Variants in NHERF2 observed in about 807,000 individuals in gnomAD.
NHERF2 encodes the protein NHERF family PDZ scaffold protein 2, also known as Na(+)/H(+) exchange regulatory cofactor NHE-RF2.
chr16:2,037,693 C>T, the NHERF2 span: 3 of 1,560,534 alleles, frequency 1.9e-6, no homozygotes, highest in South Asian at 3.5e-5. Flanking sequence ...GCAGTGGGGT[C>T]TCTGTTCAGG....
At chr16:2,038,639 C>G in the NHERF2 span, 1 of 279,416 alleles carries the variant, frequency 3.6e-6, no homozygotes, top group Non-Finnish European at 6.8e-6. Flanking sequence ...CCCTGCCCAC[C>G]TGCCCTGGTG....
the NHERF2 span, among the ~76,000 whole-genome samples, chr16:2,033,904 G>A: frequency 6.6e-6 from 1 of 152,238 alleles, no homozygotes; most frequent in East Asian, 1.9e-4. Flanking sequence ...TGCTGTGCCT[G>A]GCGCCACTGG....
chr16:2,037,375 G>A, the NHERF2 span, among the ~76,000 whole-genome samples: 3 of 152,274 alleles, frequency 2.0e-5, no homozygotes, highest in African/African-American at 7.2e-5. Flanking sequence ...TCACTGCCAG[G>A]CGCCCGGTGC....
chr16:2,031,039 G>A, the NHERF2 span, among the ~76,000 whole-genome samples: 1 of 152,358 alleles, frequency 6.6e-6, no homozygotes, highest in Admixed American at 6.5e-5. Context: ...GGGCAGGGGT[G>A]TGGGATCTGG....
At chr16:2,037,576 G>T in the NHERF2 span, 1 of 1,612,898 alleles carries the variant, frequency 6.2e-7, no homozygotes, top group African/African-American at 1.3e-5. Flanking sequence ...GAAGTGACCT[G>T]CCTGGTTCCG....
At chr16:2,038,797 C>A in the NHERF2 span, 4 of 163,616 alleles carry the variant, frequency 2.4e-5, no homozygotes, top group South Asian at 6.1e-4. Context: ...TCATTCCGCG[C>A]GGCAGCTCCC....
At chr16:2,038,919 C>G in the NHERF2 span, 1 of 153,194 alleles carries the variant, frequency 6.5e-6, no homozygotes, top group Non-Finnish European at 1.5e-5. Flanking sequence ...TTTGCACTTC[C>G]CTCCCGGGCC....
At chr16:2,038,325 TGAAAG>T in the NHERF2 span, 1 of 501,804 alleles carries the variant, frequency 2.0e-6, no homozygotes, top group Non-Finnish European at 3.8e-6. Flanking sequence ...GCCTGCTGAC[TGAAAG>T]GAATTTGTGT....
chr16:2,030,605 T>C, the NHERF2 span, among the ~76,000 whole-genome samples: 1 of 150,512 alleles, frequency 6.6e-6, no homozygotes, highest in South Asian at 2.1e-4. Context: ...ATTATCTCCA[T>C]GTTCTCTCCT....
chr16:2,036,756 G>A, the NHERF2 span: 68 of 1,613,100 alleles, frequency 4.2e-5, no homozygotes, highest in East Asian at 1.1e-4. Flanking sequence ...GAGGGACTGC[G>A]CCATGCTGAG....
the NHERF2 span, chr16:2,033,045 G>A: frequency 1.4e-3 from 1,738 of 1,272,690 alleles, 12 homozygotes; most frequent in African/African-American, 0.024. Flanking sequence ...TTCTGGGGCC[G>A]GGACTCCTCC....
the NHERF2 span, chr16:2,036,220 G>A: frequency 6.6e-6 from 8 of 1,213,232 alleles, no homozygotes; most frequent in African/African-American, 4.6e-5. Context: ...GCCTGCCCGT[G>A]GGGGGCACGG....
At chr16:2,035,160 G>A in the NHERF2 span, among the ~76,000 whole-genome samples, 1 of 152,130 alleles carries the variant, frequency 6.6e-6, no homozygotes, top group Non-Finnish European at 1.5e-5. Flanking sequence ...ACAGGAGAAG[G>A]GTGTTCCAGA....
At chr16:2,033,128 G>A in the NHERF2 span, 16 of 1,403,106 alleles carry the variant, frequency 1.1e-5, no homozygotes, top group African/African-American at 2.9e-5. Flanking sequence ...TTCTTGGGAC[G>A]GAAGCCTAGC....
the NHERF2 span, among the ~76,000 whole-genome samples, chr16:2,030,500 A>G: frequency 6.6e-6 from 1 of 151,682 alleles, no homozygotes; most frequent in Non-Finnish European, 1.5e-5. Context: ...ACCTCCTGCT[A>G]GGTGGCCGAC....
the NHERF2 span, among the ~76,000 whole-genome samples, chr16:2,032,249 G>A: frequency 2.6e-5 from 4 of 151,902 alleles, no homozygotes; most frequent in Non-Finnish European, 4.4e-5. This position sits in a 1 kb window ranked among gnomAD's most constrained non-coding sequence, Gnocchi z 4.0. Context: ...CAAACTCTTG[G>A]GCTCAAGTGA....
At chr16:2,027,272 C>T in the NHERF2 span, 2 of 1,139,952 alleles carry the variant, frequency 1.8e-6, no homozygotes, top group East Asian at 3.3e-5. Context: ...GCGCGTCCCC[C>T]TGGGGCGAGC....
At chr16:2,032,907 G>T in the NHERF2 span, 7 of 1,046,038 alleles carry the variant, frequency 6.7e-6, no homozygotes, top group South Asian at 1.2e-4. The surrounding 1 kb of genome is among the most constrained non-coding windows in gnomAD (Gnocchi z 4.0). Flanking sequence ...GGCCTTGGGG[G>T]CTAAGAGCAG....
chr16:2,029,696 C>G, the NHERF2 span: 6 of 1,558,668 alleles, frequency 3.8e-6, no homozygotes, highest in Non-Finnish European at 5.2e-6. Flanking sequence ...GATGGCCCAG[C>G]GAGGGCTCCC....
Sources: allele counts gnomAD v4.1 joint callset (sites outside exome capture counted in the v4.1 genomes callset), GRCh38; gene constraint gnomAD v4.1.1; non-coding constraint Gnocchi (gnomAD v3.1); transcripts MANE v1.5; gene names NCBI Gene and HGNC (gene_info 2026-07-23, HGNC 2026-07-21).